Variants in SASH1 observed in about 807,000 individuals in gnomAD.
SASH1 encodes the protein SAM and SH3 domain containing 1.
Under a neutral mutation model 125.2 loss-of-function variants are expected in SASH1, and 44 were observed. The observed-to-expected ratio is 0.35, with a 90% confidence interval of 0.28 to 0.45. The LOEUF is 0.45. Among genes scored for constraint, SASH1 ranks in the 20% least tolerant of loss-of-function variants. The pLI, the probability that SASH1 is intolerant of heterozygous loss-of-function variation, is 1.00. For missense variants in SASH1, 1,426 were observed against 1,614.5 expected (o/e 0.88, Z 2.00); for synonymous variants, 639 against 649.1 (o/e 0.98, Z 0.24).
At chr6:148,390,022 C>T in intron 1 of SASH1, 112 bp from the exon 2 acceptor site, 2 of 1,249,316 alleles carry the variant, frequency 1.6e-6, no homozygotes, top group Non-Finnish European at 2.2e-6. Flanking sequence ...TGATGTTTCC[C>T]ACTTAAATAC....
Position 148,519,522 on chromosome 6 carries a change from A to C in SASH1, c.863-25A>C. On this transcript the variant is annotated intron_variant, in intron 9 of 19. Transcript: ENST00000367467. The surrounding 1 kb of genome is among the most constrained non-coding windows in gnomAD (Gnocchi z 4.8). ...GCAAGAATGCAAAGGTGTGTTCACAAGAGACTCTGTTGGTTTCCCTCCAGG... is the reference window on the plus strand; with the variant it reads ...GCAAGAATGCAAAGGTGTGTTCACACGAGACTCTGTTGGTTTCCCTCCAGG... 1.6e-5 allele frequency: 25 copies of C among 1,572,176 alleles called. No homozygotes were observed. Among genetic ancestry groups the C allele is most frequent in the Non-Finnish European group, 2.0e-5 (23 of 1,144,490 alleles).
chr6:148,262,297 C>CA, the SASH1 span, among the ~76,000 whole-genome samples: 2 of 152,144 alleles, frequency 1.3e-5, no homozygotes, highest in Non-Finnish European at 2.9e-5. Context: ...CTCTCAAAGT[C>CA]AAGATCAATT....
intron 1 of SASH1, among the ~76,000 whole-genome samples, chr6:148,345,827 T>G (rs1781504259): frequency 6.6e-6 from 1 of 152,206 alleles, no homozygotes; most frequent in South Asian, 2.1e-4. Flanking sequence ...CCCTGGTCGC[T>G]GGCCCCTCCA....
At chr6:148,337,736 T>C (rs915765257) in intron 1 of SASH1, among the ~76,000 whole-genome samples, 5 of 152,204 alleles carry the variant, frequency 3.3e-5, no homozygotes, top group African/African-American at 1.2e-4. Flanking sequence ...TATATATGTG[T>C]TGTACACTTA....
intron 9 of SASH1, 104 bp downstream of exon 9, chr6:148,514,560 C>CA (rs1356554793): frequency 3.8e-6 from 5 of 1,317,414 alleles, no homozygotes; most frequent in Non-Finnish European, 9.9e-7. Context: ...GATACGATTT[C>CA]AAGTGGAAAA....
At chr6:148,394,460 A>G (rs1352757122) in intron 2 of SASH1, among the ~76,000 whole-genome samples, 4 of 152,310 alleles carry the variant, frequency 2.6e-5, no homozygotes, top group East Asian at 3.9e-4. Flanking sequence ...TGTGACTTCC[A>G]GTCTGTCATG....
the SASH1 span, among the ~76,000 whole-genome samples, chr6:148,245,989 C>CA: frequency 0.091 from 12,683 of 139,520 alleles, 598 homozygotes; most frequent in Non-Finnish European, 0.11. Context: ...TCTAAAAAAA[C>CA]AAAAAAAAAA....
chr6:148,244,914 GTGTGTGTGTGTGTGTGTA>G, the SASH1 span, among the ~76,000 whole-genome samples: 1 of 141,940 alleles, frequency 7.0e-6, no homozygotes, highest in African/African-American at 2.6e-5. Flanking sequence ...ATGTGTGTGT[GTGTGTGTGTGTGTGTGTA>G]TGTGTGTGTG....
At chr6:148,289,874 T>G (rs866580992) in intron 1 of SASH1, among the ~76,000 whole-genome samples, 4 of 143,988 alleles carry the variant, frequency 2.8e-5, no homozygotes, top group South Asian at 2.4e-4. Context: ...TTTTTTTTTT[T>G]TTTTTTTTTT....
At chr6:148,485,352 A>T (rs1778796064) in intron 7 of SASH1, among the ~76,000 whole-genome samples, 2 of 152,218 alleles carry the variant, frequency 1.3e-5, no homozygotes, top group African/African-American at 4.8e-5. Flanking sequence ...AAGTGTCCCT[A>T]ATGTAATGGA....
chr6:148,425,808 G>A (rs1227949979), intron 2 of SASH1, among the ~76,000 whole-genome samples: 1 of 147,144 alleles, frequency 6.8e-6, no homozygotes, highest in East Asian at 2.0e-4. Flanking sequence ...CTTGGCTCAC[G>A]GCAACCTCTG....
the SASH1 span, among the ~76,000 whole-genome samples, chr6:148,212,670 AG>A: frequency 5.3e-4 from 81 of 152,212 alleles, 1 homozygote; most frequent in Non-Finnish European, 1.2e-4. Flanking sequence ...GGAACTGCAA[AG>A]CCTGAATTTC....
chr6:148,442,228 ACCAGCCCCCCGCCC>A (rs1776574648), intron 4 of SASH1, among the ~76,000 whole-genome samples: 1 of 151,872 alleles, frequency 6.6e-6, no homozygotes. Context: ...CTGATCCAGC[ACCAGCCCCCCGCCC>A]CCAGCCCCCC....
chr6:148,544,909 C>T lies in SASH1; in HGVS notation c.3348+91C>T. ...AGATGAACCCACATCTGAAGCCAGC[C>T]CGGTAGCCCGCCCAGTGGACAGGAG... is the stretch of plus-strand genomic sequence containing the variant. On this transcript the variant is annotated intron_variant, in intron 18 of 19. Coordinates refer to ENST00000367467, the MANE Select transcript of SASH1 (RefSeq NM_015278.5). This position sits in a 1 kb window ranked among gnomAD's most constrained non-coding sequence, Gnocchi z 6.4. The T allele has an allele frequency of 4.6e-6, 6 of 1,290,988 alleles. No homozygotes were observed. Among genetic ancestry groups the T allele is most frequent in the Non-Finnish European group, 6.3e-6 (6 of 955,556 alleles). 80.0% of individuals were successfully genotyped at this position (1,290,988 alleles called of 1,614,324 possible).
the SASH1 span, among the ~76,000 whole-genome samples, chr6:148,209,458 G>T: frequency 6.6e-6 from 1 of 152,170 alleles, no homozygotes; most frequent in South Asian, 2.1e-4. Flanking sequence ...AAATTCATAG[G>T]GGTTTTTCTT....
At chr6:148,378,301 G>A (rs1179084307) in intron 1 of SASH1, among the ~76,000 whole-genome samples, 1 of 151,508 alleles carries the variant, frequency 6.6e-6, no homozygotes, top group Non-Finnish European at 1.5e-5. Flanking sequence ...TGATCCACCC[G>A]CCTCAGCCTC....
intron 2 of SASH1, among the ~76,000 whole-genome samples, chr6:148,423,619 G>A (rs529596848): frequency 3.8e-4 from 58 of 152,224 alleles, no homozygotes; most frequent in Middle Eastern, 3.4e-3. Context: ...CAGTTCCGAC[G>A]TTATTTATAT....
intron 1 of SASH1, among the ~76,000 whole-genome samples, chr6:148,386,670 A>G (rs985828630): frequency 3.5e-4 from 54 of 152,350 alleles, no homozygotes; most frequent in African/African-American, 1.3e-3. Context: ...GGATGAGGAC[A>G]GCATCACGTT....
At chr6:148,271,361 T>G (rs1478609549), upstream of SASH1, among the ~76,000 whole-genome samples, 1 of 152,210 alleles carries the variant, frequency 6.6e-6, no homozygotes, top group African/African-American at 2.4e-5. Flanking sequence ...TGTAGCTCTG[T>G]TATGTCACAC....
Sources: allele counts gnomAD v4.1 joint callset (sites outside exome capture counted in the v4.1 genomes callset), GRCh38; gene constraint gnomAD v4.1.1; non-coding constraint Gnocchi (gnomAD v3.1); transcripts MANE v1.5; gene names NCBI Gene and HGNC (gene_info 2026-07-23, HGNC 2026-07-21).